Variants in DRP2 observed in about 807,000 individuals in gnomAD.
DRP2 encodes dystrophin-related protein 2.
In DRP2, 29 loss-of-function variants were observed where a neutral mutation model predicts 78.2. The observed-to-expected ratio is 0.37, with a 90% CI of 0.28 to 0.51. The LOEUF is 0.51. Among genes scored for constraint, DRP2 ranks in the 20% least tolerant of loss-of-function variants. The probability of loss-of-function intolerance (pLI) is 0.94; values close to 1 mark genes in which losing one functional copy is unlikely to be tolerated. For synonymous variants in DRP2, 290 were observed against 281.9 expected, an observed-to-expected ratio of 1.03 and a Z score of -0.29; for missense variants, 686 against 770.6, an observed-to-expected ratio of 0.89 and a Z score of 1.30.
At chrX:101,240,381 G>A (rs754275679) in intron 6 of DRP2, among the ~76,000 whole-genome samples, 6 of 111,744 alleles carry the variant, frequency 5.4e-5, no homozygotes, top group Admixed American at 4.7e-4. Flanking sequence ...GACTACAGGC[G>A]CATGCTACCA....
intron 12 of DRP2, among the ~76,000 whole-genome samples, 155 bp from the exon 13 acceptor site, chrX:101,247,934 G>A (rs779782732): frequency 1.8e-5 from 2 of 111,992 alleles, no homozygotes; most frequent in South Asian, 3.8e-4. Flanking sequence ...CTTGGATGAG[G>A]GTCTTAGTAA....
Position 101,243,474 on chromosome X carries a change from C to A in DRP2, c.1054+492C>A, listed in dbSNP as rs1922814097. ...GAGGCACAGCACCTCAACCTAATAA[C>A]TGTGCAGGCTCAAAAAAAAAAATAG... On this transcript the variant is annotated intron_variant, in intron 9 of 23. Transcript: ENST00000395209. Among the ~76,000 whole-genome samples the A allele has an allele frequency of 2.9e-5, 3 of 104,947 alleles. No homozygotes were observed. In the South Asian group the frequency reaches 1.4e-3, roughly 47 times the overall value. The allele number at this position is 104,947 out of a possible 115,157, so 91.1% of individuals were successfully genotyped here. A position where few individuals can be genotyped will look rare whatever the true frequency, so the allele number is the denominator to read the frequency against.
intron 13 of DRP2, 34 bp downstream of exon 13, chrX:101,248,324 A>C (rs750488213): frequency 8.5e-7 from 1 of 1,180,270 alleles, no homozygotes; most frequent in African/African-American, 1.8e-5. Flanking sequence ...CCTCCAGGAT[A>C]AAATTCAATG....
intron 4 of DRP2, among the ~76,000 whole-genome samples, chrX:101,236,978 A>G (rs1050451483): frequency 6.3e-5 from 7 of 111,514 alleles, no homozygotes; most frequent in African/African-American, 2.3e-4. Flanking sequence ...GCTTCCTACC[A>G]TGGTTCATTT....
At chrX:101,239,585 T>A (rs1454770775) in intron 6 of DRP2, among the ~76,000 whole-genome samples, 2 of 110,246 alleles carry the variant, frequency 1.8e-5, no homozygotes, top group Non-Finnish European at 3.8e-5. Context: ...CTCTACAATT[T>A]TTTTTTGTGG....
At chrX:101,231,416 T>G (rs1287649553) in intron 2 of DRP2, 169 bp from the exon 3 acceptor site, 2 of 409,531 alleles carry the variant, frequency 4.9e-6, no homozygotes, top group Admixed American at 8.1e-5. Context: ...CAATAAATGC[T>G]TCCTTGGTCA....
Position 101,245,458 on chromosome X carries a change from G to A in DRP2, c.1177+9G>A, listed in dbSNP as rs767509798. ...GTTATACCAAACCCTAGGTAAGAATGTGGGCTTCCTGTATAGGGTGGGCAT... is the reference window on the plus strand; with the variant it reads ...GTTATACCAAACCCTAGGTAAGAATATGGGCTTCCTGTATAGGGTGGGCAT... On this transcript the variant is annotated intron_variant, in intron 11 of 23. Coordinates refer to ENST00000395209, the MANE Select transcript of DRP2 (RefSeq NM_001939.3). 1.0e-5 allele frequency: 12 copies of A among 1,193,208 alleles called. No homozygotes were observed. The highest frequency in any genetic ancestry group is 1.8e-5 in the South Asian group (1 of 54,603).
intron 6 of DRP2, among the ~76,000 whole-genome samples, chrX:101,239,420 A>G (rs1171708539): frequency 8.9e-6 from 1 of 112,177 alleles, no homozygotes; most frequent in East Asian, 2.8e-4. Flanking sequence ...AACTGACTCA[A>G]TGAATAAAAG....
chrX:101,243,719 C>G (rs772284193), intron 9 of DRP2, among the ~76,000 whole-genome samples: 5 of 111,726 alleles, frequency 4.5e-5, no homozygotes, highest in Non-Finnish European at 7.5e-5. Flanking sequence ...AACCAGACCA[C>G]AAACAAATAA....
At chrX:101,246,960 C>A in intron 11 of DRP2, 130 bp from the exon 12 acceptor site, 1 of 485,543 alleles carries the variant, frequency 2.1e-6, no homozygotes, top group East Asian at 3.9e-5. Context: ...TCATTCATCC[C>A]CACTCTTGTT....
chrX:101,257,394 G>T (rs58812825), intron 21 of DRP2, among the ~76,000 whole-genome samples: 1,639 of 89,870 alleles, frequency 0.018, 44 homozygotes, highest in African/African-American at 0.068. Flanking sequence ...ACCAGGGCCA[G>T]TTTGTGACCA....
At chrX:101,248,010 G>T in intron 12 of DRP2, 79 bp from the exon 13 acceptor site, 1 of 925,694 alleles carries the variant, frequency 1.1e-6, no homozygotes. Context: ...GGTGATGCTG[G>T]TGGCTTTATC....
In DRP2 at chrX:101,237,678, T is replaced by C; in HGVS notation, c.341T>C (p.Ile114Thr). The C allele has an allele frequency of 8.5e-7, 1 of 1,177,701 alleles. No individual in the cohort carries two copies. Among genetic ancestry groups the C allele is most frequent in the Non-Finnish European group, 1.1e-6 (1 of 874,157 alleles). Residue 114 changes from isoleucine (I) to threonine (T), a missense_variant, in exon 5 of 24, where the codon ATT becomes ACT. Coordinates refer to ENST00000395209, the MANE Select transcript of DRP2 (RefSeq NM_001939.3). Reference sequence around the variant, plus strand: ...AAGCTTCAGCTCCCTCTTCAAGAGATTATTGACTGGCTCAGCCAAAAGGAT... The same window carrying C: ...AAGCTTCAGCTCCCTCTTCAAGAGACTATTGACTGGCTCAGCCAAAAGGAT... The part of the protein sequence containing the change: ...SGKLQLPLQE[I>T]IDWLSQKDEE...
At chrX:101,255,135 G>A (rs1223795430) in intron 19 of DRP2, 49 bp from the exon 20 acceptor site, 11 of 1,164,227 alleles carry the variant, frequency 9.4e-6, no homozygotes, top group Non-Finnish European at 1.3e-5. Context: ...TGAGATGGAA[G>A]CAGGCCCCAC....
At chrX:101,257,429 TAAAAAAAAAAA>T (rs57717609) in intron 21 of DRP2, among the ~76,000 whole-genome samples, 1 of 51,447 alleles carries the variant, frequency 1.9e-5, no homozygotes, top group African/African-American at 6.7e-5. Flanking sequence ...CAAGGCAAGA[TAAAAAAAAAAA>T]AAAAAAAAAA....
chrX:101,234,906 G>C (rs112987909), intron 3 of DRP2, among the ~76,000 whole-genome samples: 3,298 of 110,667 alleles, frequency 0.03, 131 homozygotes, highest in African/African-American at 0.1. Context: ...CATTTTCTTT[G>C]CAAATGAAGG....
In DRP2 at chrX:101,247,175, TG is replaced by T. The variant is rs1190335993; in HGVS notation, c.1252+12del. 5 of 1,193,954 alleles carry T rather than the reference TG, an allele frequency of 4.2e-6. No individual in the cohort carries two copies. The highest frequency in any genetic ancestry group is 5.7e-6 in the Non-Finnish European group (5 of 883,795). ...AGAAAGCCCTGCGCTGTACGTCTCCTGTTGTACTTCCCTATGACGTTCACCA... is the reference window on the plus strand; with the variant it reads ...AGAAAGCCCTGCGCTGTACGTCTCCTTTGTACTTCCCTATGACGTTCACCA... On this transcript the variant is annotated intron_variant, in intron 12 of 23. Transcript: ENST00000395209.
chrX:101,234,001 A>G (rs1602914336), intron 3 of DRP2, among the ~76,000 whole-genome samples: 1 of 111,240 alleles, frequency 9.0e-6, no homozygotes, highest in Admixed American at 9.5e-5. Flanking sequence ...TGGCCTCTGC[A>G]CTCACCCAAG....
chrX:101,257,021 G>A (rs1240231989), intron 21 of DRP2, among the ~76,000 whole-genome samples: 1 of 109,655 alleles, frequency 9.1e-6, no homozygotes, highest in African/African-American at 3.3e-5. Context: ...AAGTATTCCA[G>A]AGGACAATGA....
Sources: allele counts gnomAD v4.1 joint callset (sites outside exome capture counted in the v4.1 genomes callset), GRCh38; gene constraint gnomAD v4.1.1; transcripts MANE v1.5; gene names NCBI Gene and HGNC (gene_info 2026-07-23, HGNC 2026-07-21).